The following AFF3 variants were observed in gnomAD, a reference collection of about 807,000 sequenced individuals.
The protein encoded by AFF3 is AF4/FMR2 family member 3.
AFF3 carries 32 observed loss-of-function variants against 129.7 expected under a neutral mutation model. The observed-to-expected ratio is 0.25, with a 90% CI of 0.19 to 0.33. The LOEUF (loss-of-function observed/expected upper bound fraction) is 0.33, where lower values mean the gene tolerates loss of function less well. Ranked by LOEUF, AFF3 falls within the 10% of genes least tolerant of loss-of-function variation. The pLI is 1.00. For missense variants in AFF3, 1,373 were observed against 1,592.0 expected (o/e 0.86, Z 2.34); for synonymous variants, 644 against 635.4 (o/e 1.01, Z -0.20).
intron 4 of AFF3, among the ~76,000 whole-genome samples, chr2:100,037,378 A>G (rs1317163930): frequency 7.0e-6 from 1 of 143,724 alleles, no homozygotes; most frequent in African/African-American, 2.6e-5. Flanking sequence ...TTATACATAC[A>G]TGTATGGGGG....
intron 11 of AFF3, among the ~76,000 whole-genome samples, chr2:99,723,018 G>C (rs1679040942): frequency 6.6e-6 from 1 of 152,162 alleles, no homozygotes; most frequent in Non-Finnish European, 1.5e-5. Context: ...CTTTTAGTTA[G>C]ACTATGAATA....
At chr2:100,131,495 TG>T (rs1185452959) in intron 1 of AFF3, among the ~76,000 whole-genome samples, 1 of 152,228 alleles carries the variant, frequency 6.6e-6, no homozygotes, top group Non-Finnish European at 1.5e-5. Context: ...AGTCTTGCTC[TG>T]TTGCCCAGGC....
chr2:99,726,338 G>A (rs1266965134), intron 11 of AFF3, among the ~76,000 whole-genome samples: 1 of 152,060 alleles, frequency 6.6e-6, no homozygotes, highest in African/African-American at 2.4e-5. Context: ...AATTCACAAA[G>A]CCTATCTTAT....
chr2:99,944,672 C>T (rs777501309), intron 7 of AFF3, among the ~76,000 whole-genome samples: 8 of 152,180 alleles, frequency 5.3e-5, no homozygotes, highest in African/African-American at 9.6e-5. Context: ...GAACCATGCA[C>T]GCACATGCTA....
intron 11 of AFF3, among the ~76,000 whole-genome samples, chr2:99,702,850 GGCC>G (rs1400083846): frequency 1.3e-5 from 2 of 152,146 alleles, no homozygotes; most frequent in African/African-American, 2.4e-5. Flanking sequence ...GTTTCTCCCA[GGCC>G]ATAATTTCTC....
intron 8 of AFF3, among the ~76,000 whole-genome samples, chr2:99,765,295 G>A (rs1682917031): frequency 6.6e-6 from 1 of 152,188 alleles, no homozygotes; most frequent in African/African-American, 2.4e-5. Context: ...GTGGAGGCTG[G>A]AAGGAGAAGG....
chr2:99,762,558 G>A (rs1682704875), intron 8 of AFF3, among the ~76,000 whole-genome samples: 1 of 152,042 alleles, frequency 6.6e-6, no homozygotes. Flanking sequence ...GTCTAATAAT[G>A]CTCTTGTAAC....
chr2:99,834,666 C>T (rs531130820), intron 8 of AFF3, among the ~76,000 whole-genome samples: 1 of 152,194 alleles, frequency 6.6e-6, no homozygotes, highest in Non-Finnish European at 1.5e-5. Flanking sequence ...TCATCTTTCT[C>T]GTCCTCTCAG....
chr2:99,975,478 A>T lies in AFF3; in HGVS notation c.873+31154T>A, dbSNP rs111522344. On this transcript the variant is annotated intron_variant, in intron 7 of 24. Transcript: ENST00000672756. ...TCTATGTATGGTCATGGAAATACAT[A>T]TGTAAACTTGATACACTGACAAGTC... Among the ~76,000 whole-genome samples, 287 of 152,366 alleles carry T rather than the reference A, an allele frequency of 1.9e-3. 1 individual carries two copies. Among genetic ancestry groups the T allele is most frequent in the South Asian group, 3.3e-3 (16 of 4,828 alleles).
chr2:99,616,113 G>A (rs1204556151), intron 13 of AFF3, among the ~76,000 whole-genome samples: 1 of 152,194 alleles, frequency 6.6e-6, no homozygotes, highest in Admixed American at 6.5e-5. Flanking sequence ...GGAAGAGAGA[G>A]GCTCTACTGT....
At chr2:99,873,632 C>T (rs6733561) in intron 7 of AFF3, among the ~76,000 whole-genome samples, 4 of 151,820 alleles carry the variant, frequency 2.6e-5, no homozygotes, top group Non-Finnish European at 4.4e-5. Context: ...CAAAGCTGGC[C>T]TATGGAGATG....
chr2:99,952,958 G>A (rs1041784648), intron 7 of AFF3, among the ~76,000 whole-genome samples: 7 of 152,134 alleles, frequency 4.6e-5, no homozygotes, highest in Admixed American at 3.3e-4. Context: ...TACTTACTCC[G>A]CTGAGTAAGA....
At chr2:99,814,694 T>C (rs1033568277) in intron 8 of AFF3, among the ~76,000 whole-genome samples, 1 of 151,652 alleles carries the variant, frequency 6.6e-6, no homozygotes, top group East Asian at 1.9e-4. Context: ...AGCTAAAAAA[T>C]AAAAGAAGGA....
In AFF3 at chr2:99,601,545, T is replaced by G. The variant is rs1679836893; in HGVS notation, c.1261A>C (p.Ser421Arg). 3.7e-6 allele frequency: 6 copies of G among 1,602,788 alleles called. No homozygotes were observed. Among genetic ancestry groups the G allele is most frequent in the Non-Finnish European group, 4.3e-6 (5 of 1,176,262 alleles). Residue 421 changes from serine to arginine, a missense_variant, in exon 14 of 25, where the codon AGC becomes CGC. Transcript: ENST00000672756. The part of the protein sequence containing the change: ...KGSSSSSSSG[S>R]SSSSSDSESS... ...TCTGAGTCGCTGGAGGAGCTGCTGC[T>G]GCCGCTGCTGCTGCTGCTGCTGCTG... is the stretch of plus-strand genomic sequence containing the variant.
intron 22 of AFF3, among the ~76,000 whole-genome samples, chr2:99,557,433 C>T (rs1160812586): frequency 6.6e-6 from 1 of 152,116 alleles, no homozygotes; most frequent in East Asian, 1.9e-4. Flanking sequence ...ATGCCTGCCA[C>T]CACGCCTGGC....
chr2:99,624,518 CAG>C (rs1234390461), intron 13 of AFF3, among the ~76,000 whole-genome samples: 1 of 152,076 alleles, frequency 6.6e-6, no homozygotes, highest in African/African-American at 2.4e-5. Flanking sequence ...TGTTTAAAAA[CAG>C]AGCTTGAAAG....
intron 21 of AFF3, 76 bp from the exon 22 acceptor site, chr2:99,559,044 G>T: frequency 7.4e-7 from 1 of 1,350,128 alleles, no homozygotes; most frequent in Non-Finnish European, 1.1e-6. Context: ...CATTTTTGTT[G>T]TTGTTCTAAG....
At position 100,122,535 on chromosome 2, in the gene AFF3, T is replaced by C. The variant is rs566088814; in HGVS notation, c.-145+6689A>G. Among the ~76,000 whole-genome samples, 12 of 152,032 alleles carry C rather than the reference T, an allele frequency of 7.9e-5. No individual in the cohort carries two copies. In the Middle Eastern group the frequency reaches 0.01, roughly 129 times the overall value. On this transcript the variant is annotated intron_variant, in intron 2 of 24. Coordinates refer to ENST00000672756, the MANE Select transcript of AFF3 (RefSeq NM_001386135.1). ...ATGGTCGCAGCAGAGAGGCAGAGAGTGAAGACTATAATAATAAGGTTGCCC... is the reference window on the plus strand; with the variant it reads ...ATGGTCGCAGCAGAGAGGCAGAGAGCGAAGACTATAATAATAAGGTTGCCC...
At chr2:99,852,619 G>A (rs1351293426) in intron 7 of AFF3, among the ~76,000 whole-genome samples, 5 of 152,196 alleles carry the variant, frequency 3.3e-5, no homozygotes, top group Non-Finnish European at 7.3e-5. Context: ...AGCAAAACCC[G>A]TAGGGCCTAC....
Sources: allele counts gnomAD v4.1 joint callset (sites outside exome capture counted in the v4.1 genomes callset), GRCh38; gene constraint gnomAD v4.1.1; transcripts MANE v1.5; gene names NCBI Gene and HGNC (gene_info 2026-07-23, HGNC 2026-07-21).